CLTCL1: variants seen among roughly 807,000 people sequenced by gnomAD.
CLTCL1 encodes the protein clathrin heavy chain like 1, also known as clathrin heavy chain 2.
A neutral mutation model predicts 190.0 loss-of-function variants in CLTCL1; 159 were observed. The observed-to-expected ratio is 0.84, with a 90% CI of 0.74 to 0.95. The LOEUF (loss-of-function observed/expected upper bound fraction) is 0.95, where lower values mean the gene tolerates loss of function less well. CLTCL1 is among the 40% of genes least tolerant of loss of function. CLTCL1 has a pLI of 0.00. For synonymous variants in CLTCL1, 752 were observed against 769.6 expected (o/e 0.98, Z 0.38); for missense variants, 1,878 against 2,033.4 (o/e 0.92, Z 1.47).
Position 19,202,516 on chromosome 22 carries a change from CACGG to C in CLTCL1, c.3601-1027_3601-1024del, listed in dbSNP as rs1555940432. Among the ~76,000 whole-genome samples the C allele has an allele frequency of 7.6e-3, 9 of 1,186 alleles. 2 individuals are homozygous for C. In the South Asian group the frequency reaches 0.14, roughly 18 times the overall value. 0.8% of individuals were successfully genotyped at this position (1,186 alleles called of 152,430 possible). On this transcript the variant is annotated intron_variant, in intron 22 of 32. Coordinates refer to ENST00000427926, the MANE Select transcript of CLTCL1 (RefSeq NM_007098.4). ...CCCGCACCACCCCTCCTTCCGCCAT[CACGG>C]CACCTCCCCCACCACCCCTCCTTCT... is the stretch of plus-strand genomic sequence containing the variant.
chr22:19,202,055 C>T (rs1226287287), intron 22 of CLTCL1, among the ~76,000 whole-genome samples: 4 of 152,068 alleles, frequency 2.6e-5, no homozygotes, highest in African/African-American at 9.7e-5. Flanking sequence ...CTCTGCCTAG[C>T]ACTGCCCAGC....
intron 22 of CLTCL1, 61 bp from the exon 23 acceptor site, chr22:19,201,554 G>C: frequency 6.5e-7 from 1 of 1,533,800 alleles, no homozygotes; most frequent in Non-Finnish European, 8.9e-7. Context: ...CTCCAGAGTT[G>C]CTTTTAAGTT....
intron 29 of CLTCL1, among the ~76,000 whole-genome samples, chr22:19,185,494 T>C (rs576408134): frequency 2.0e-5 from 3 of 152,242 alleles, no homozygotes; most frequent in East Asian, 1.9e-4. Flanking sequence ...GCCCAGCTAC[T>C]TTTTTGTATT....
chr22:19,239,053 G>A (rs1305728647), intron 5 of CLTCL1, among the ~76,000 whole-genome samples: 2 of 152,152 alleles, frequency 1.3e-5, no homozygotes, highest in African/African-American at 4.8e-5. Flanking sequence ...ACTTGGCAAC[G>A]TCTTCCTGCT....
rs1601597932 is a variant in CLTCL1, at chr22:19,233,189, T to C, written c.1498A>G (p.Lys500Glu). ...ACCTTTTTGGCATAGAGCACAATTT[T>C]CTGGAATTGGCCTGTTTCTGCAAAA... ...QCFAETGQFQKIVLYAKKVGY... is the reference protein window; with the variant it reads ...QCFAETGQFQEIVLYAKKVGY... Residue 500 changes from lysine to glutamate, a missense_variant, in exon 9 of 33, where the codon AAA (lysine) becomes GAA (glutamate). Lys to Glu is a moderately conservative substitution (Grantham distance 56, BLOSUM62 1). Transcript: ENST00000427926. 7 of 1,613,730 alleles carry C rather than the reference T, an allele frequency of 4.3e-6. No individual in the cohort carries two copies. Among genetic ancestry groups the C allele is most frequent in the Non-Finnish European group, 5.9e-6 (7 of 1,179,644 alleles).
At chr22:19,280,054 C>T (rs2087650979) in intron 1 of CLTCL1, among the ~76,000 whole-genome samples, 1 of 152,068 alleles carries the variant, frequency 6.6e-6, no homozygotes, top group South Asian at 2.1e-4. Context: ...GTTTTATCGG[C>T]TAAGGTTATG....
At chr22:19,224,532 C>T (rs1454452434) in intron 13 of CLTCL1, among the ~76,000 whole-genome samples, 1 of 152,178 alleles carries the variant, frequency 6.6e-6, no homozygotes, top group Non-Finnish European at 1.5e-5. Flanking sequence ...TTCACAGAGG[C>T]TAATGATGTT....
chr22:19,225,626 AC>A lies in CLTCL1; in HGVS notation c.1954del (p.Val652SerfsTer68). On this transcript the variant is annotated frameshift_variant, in exon 13 of 33. Coordinates refer to ENST00000427926, the MANE Select transcript of CLTCL1 (RefSeq NM_007098.4). LOFTEE classifies it high-confidence loss of function. Reference protein sequence around the residue: ...HTHLLNPEWLVNFFGSLSVED... With the variant: ...HTHLLNPEWLXNFFGSLSVED... The stretch of plus-strand genomic sequence containing the variant: ...CACCGATAAGGAGCCAAAGAAATTG[AC>A]AAGCCACTGGGAACAAGGAAGAGTC... 6.4e-7 allele frequency: 1 copy of A among 1,566,312 alleles called. No homozygotes were observed. The highest frequency in any genetic ancestry group is 8.6e-7 in the Non-Finnish European group (1 of 1,156,106).
At chr22:19,246,019 C>T (rs1193480758) in intron 3 of CLTCL1, among the ~76,000 whole-genome samples, 1 of 152,150 alleles carries the variant, frequency 6.6e-6, no homozygotes, top group Non-Finnish European at 1.5e-5. Flanking sequence ...AGGTAGACAC[C>T]TAACAGTGGA....
At chr22:19,209,937 T>C (rs1408228298) in intron 20 of CLTCL1, among the ~76,000 whole-genome samples, 3 of 151,210 alleles carry the variant, frequency 2.0e-5, no homozygotes, top group Non-Finnish European at 2.9e-5. Flanking sequence ...GATGGGGGAA[T>C]GGGGAGTATA....
At chr22:19,189,361 C>A (rs538556497) in intron 27 of CLTCL1, among the ~76,000 whole-genome samples, 1 of 152,342 alleles carries the variant, frequency 6.6e-6, no homozygotes, top group African/African-American at 2.4e-5. Context: ...GCACTGTACT[C>A]ACAGTAGAAC....
At chr22:19,180,108 G>C (rs539335242) in intron 32 of CLTCL1, 91 bp downstream of exon 32, 12 of 1,153,674 alleles carry the variant, frequency 1.0e-5, no homozygotes, top group African/African-American at 4.6e-5. Flanking sequence ...GAGGCCCCAA[G>C]AGAGCAGGCA....
chr22:19,191,027 C>T (rs1209688229), intron 27 of CLTCL1, among the ~76,000 whole-genome samples: 3 of 152,154 alleles, frequency 2.0e-5, no homozygotes, highest in Non-Finnish European at 2.9e-5. Context: ...CCGCCCGCCT[C>T]GGCCTCCCAA....
chr22:19,208,336 T>C (rs782022222), intron 21 of CLTCL1, 25 bp from the exon 22 acceptor site: 3 of 1,611,324 alleles, frequency 1.9e-6, no homozygotes, highest in Non-Finnish European at 2.5e-6. Flanking sequence ...CAAAGATAGG[T>C]TAACCCAGAG....
At chr22:19,261,700 A>C (rs918562979) in intron 2 of CLTCL1, among the ~76,000 whole-genome samples, 9 of 152,172 alleles carry the variant, frequency 5.9e-5, no homozygotes, top group Admixed American at 3.3e-4. Context: ...GATGGGACTG[A>C]ATTGTTGCAA....
rs140245753 is a variant in CLTCL1 at position 19,194,278 on chromosome 22, T to C, written c.4191+1988A>G. Among the ~76,000 whole-genome samples, 1,017 of 152,184 alleles carry C rather than the reference T, an allele frequency of 6.7e-3. 11 individuals carry two copies. The highest frequency in any genetic ancestry group is 0.011 in the Non-Finnish European group (749 of 68,002). On this transcript the variant is annotated intron_variant, in intron 26 of 32. Transcript: ENST00000427926. ...CTCAAGATCACCTGAGGTCAGGAGTTTGAGAACAGCCTGCCCAACATGGTA... is the reference window on the plus strand; with the variant it reads ...CTCAAGATCACCTGAGGTCAGGAGTCTGAGAACAGCCTGCCCAACATGGTA...
At chr22:19,272,751 C>T (rs913858880) in intron 2 of CLTCL1, among the ~76,000 whole-genome samples, 3 of 152,166 alleles carry the variant, frequency 2.0e-5, no homozygotes, top group Admixed American at 6.5e-5. Context: ...GGATTACAGG[C>T]GTGAGCCACC....
Position 19,196,528 on chromosome 22 carries a change from C to G in CLTCL1, c.4002G>C (p.Glu1334Asp). ...YSKFKPQKML[E>D]HLELFWSRVN... ...CACGGGACCAGAAAAGCTCCAGATG[C>G]TCCAGCATCTTCTGTGGCTTGAATT... The change falls in exon 25 of 33, where the codon GAG becomes GAC. Residue 1334 changes from glutamate (E) to aspartate (D), a missense_variant. Transcript: ENST00000427926. 1 of 1,614,066 alleles carries G rather than the reference C, an allele frequency of 6.2e-7. No homozygotes were observed. Among genetic ancestry groups the G allele is most frequent in the Non-Finnish European group, 8.5e-7 (1 of 1,179,894 alleles).
chr22:19,180,959 C>T (rs782751321), intron 30 of CLTCL1, 153 bp from the exon 31 acceptor site: 26 of 659,452 alleles, frequency 3.9e-5, no homozygotes, highest in Non-Finnish European at 1.9e-5. Context: ...TCAGCCCACA[C>T]CCCATGCACT....
Sources: gnomAD v4.1 joint callset for allele counts (sites outside exome capture counted in the v4.1 genomes callset) on GRCh38, gnomAD v4.1.1 for gene constraint, MANE v1.5 for transcripts, NCBI Gene and HGNC (gene_info 2026-07-23, HGNC 2026-07-21) for gene names.